Variants in SCRIB observed in about 807,000 individuals in gnomAD.
The protein encoded by SCRIB is scribble planar cell polarity protein.
SCRIB carries 72 observed loss-of-function variants against 170.0 expected under a neutral mutation model. That is an observed-to-expected ratio of 0.42 (90% CI 0.35 to 0.52). SCRIB has a LOEUF of 0.52. SCRIB is among the 20% of genes least tolerant of loss of function. The pLI is 0.02. For missense variants in SCRIB, 2,475 were observed against 2,338.5 expected (o/e 1.06, Z -1.20); for synonymous variants, 1,298 against 1,044.3 (o/e 1.24, Z -4.68).
rs775237815 is a variant in SCRIB at position 143,811,054 on chromosome 8, G to C, written c.1125C>G (p.Phe375Leu). 1 of 1,611,968 alleles carries C rather than the reference G, an allele frequency of 6.2e-7. No individual in the cohort carries two copies. Among genetic ancestry groups the C allele is most frequent in the Admixed American group, 1.7e-5 (1 of 59,854 alleles). ...VAGNRLQSLP[F>L]ALTHLNLKAL... ...CCTTGAGATTGAGGTGGGTGAGCGCGAACGGCAGACTCTGCAGGCTGCGGG... is the reference window on the plus strand; with the variant it reads ...CCTTGAGATTGAGGTGGGTGAGCGCCAACGGCAGACTCTGCAGGCTGCGGG... The change falls in exon 11 of 37, where the codon TTC becomes TTG. Residue 375 changes from phenylalanine to leucine, a missense_variant. By Grantham distance (22) the Phe-to-Leu change is conservative. Transcript: ENST00000356994.
chr8:143,803,263 G>T, intron 24 of SCRIB, 120 bp downstream of exon 24: 1 of 967,928 alleles, frequency 1.0e-6, no homozygotes, highest in South Asian at 1.8e-5. Context: ...CAGAGCCGCA[G>T]AGCACCGCCC....
intron 15 of SCRIB, among the ~76,000 whole-genome samples, 184 bp downstream of exon 15, chr8:143,808,425 C>T (rs1428761794): frequency 6.6e-6 from 1 of 152,078 alleles, no homozygotes; most frequent in Non-Finnish European, 1.5e-5. Flanking sequence ...GAGACCAATG[C>T]CAGGGCAGGC....
Position 143,808,750 on chromosome 8 carries a change from C to G in SCRIB, c.1974G>C (p.Gln658His). 1 of 1,606,124 alleles carries G rather than the reference C, an allele frequency of 6.2e-7. No individual in the cohort carries two copies. The highest frequency in any genetic ancestry group is 8.5e-7 in the Non-Finnish European group (1 of 1,175,964). Residue 658 changes from glutamine (Q) to histidine (H), a missense_variant, in exon 15 of 37, where the codon CAG becomes CAC. Gln to His is a conservative substitution (Grantham distance 24). Transcript: ENST00000356994. ...CCTCTTCCTCCTCCTCCTCCTCCTT[C>G]TGGGCCCGAGGAGCCCAGGGTGCGT... Reference protein sequence around the residue: ...GPHAPWAPRAQKEEEEEEEGS... With the variant: ...GPHAPWAPRAHKEEEEEEEGS...
chr8:143,804,241 CTT>C, intron 21 of SCRIB, 85 bp from the exon 22 acceptor site: 1 of 1,046,504 alleles, frequency 9.6e-7, no homozygotes, highest in Non-Finnish European at 1.4e-6. Context: ...CGTCCCGGTC[CTT>C]GGGGATGGCG....
chr8:143,795,377 G>T, intron 25 of SCRIB, 43 bp downstream of exon 25: 1 of 1,612,490 alleles, frequency 6.2e-7, no homozygotes, highest in Non-Finnish European at 8.5e-7. Context: ...CACCGGCCTC[G>T]GGCTCCCTGG....
rs767010930 is a variant in SCRIB at position 143,813,120 on chromosome 8, G to C, written c.568-16C>G. The C allele has an allele frequency of 4.4e-6, 7 of 1,573,252 alleles. No individual in the cohort carries two copies. Among genetic ancestry groups the C allele is most frequent in the Non-Finnish European group, 6.0e-6 (7 of 1,157,686 alleles). On this transcript the variant is annotated splice_polypyrimidine_tract_variant and intron_variant, in intron 6 of 36. Coordinates refer to ENST00000356994, the MANE Select transcript of SCRIB (RefSeq NM_182706.5). ...GAGTGTCTGGCTGCAAGAAGGAACA[G>C]AGAAAATAGTGACTATGAGGCAAAG...
rs1487543855 is a variant in SCRIB, at chr8:143,811,018, C to T, written c.1161G>A (p.Leu387=). ...LTHLNLKALW[L]AENQAQPMLR... ...GCATGGGCTGCGCCTGGTTCTCTGC[C>T]AGCCACAGGGCCTTGAGATTGAGGT... Residue 387 remains leucine (L), a synonymous_variant, in exon 11 of 37, where the codon CTG becomes CTA. Transcript: ENST00000356994. The T allele has an allele frequency of 1.2e-6, 2 of 1,612,282 alleles. No homozygotes were observed. Among genetic ancestry groups the T allele is most frequent in the Non-Finnish European group, 1.7e-6 (2 of 1,179,582 alleles).
In SCRIB at chr8:143,811,029, C is replaced by T; in HGVS notation, c.1150G>A (p.Ala384Thr). The change falls in exon 11 of 37, where the codon GCC becomes ACC. Residue 384 changes from alanine to threonine, a missense_variant. Ala to Thr is a moderately conservative substitution (Grantham distance 58). Around this residue, in one of 3 missense-constraint regions of SCRIB, gnomAD observed 487 missense variants for 558.1 expected, o/e 0.87. Transcript: ENST00000356994. ...PFALTHLNLKALWLAENQAQP... is the reference protein window; with the variant it reads ...PFALTHLNLKTLWLAENQAQP... Reference sequence around the variant, plus strand: ...GCCTGGTTCTCTGCCAGCCACAGGGCCTTGAGATTGAGGTGGGTGAGCGCG... The same window carrying T: ...GCCTGGTTCTCTGCCAGCCACAGGGTCTTGAGATTGAGGTGGGTGAGCGCG... 6.2e-7 allele frequency: 1 copy of T among 1,612,448 alleles called. No individual in the cohort carries two copies. Among genetic ancestry groups the T allele is most frequent in the Non-Finnish European group, 8.5e-7 (1 of 1,179,638 alleles).
chr8:143,796,568 T>C (rs1814955132), intron 24 of SCRIB, among the ~76,000 whole-genome samples: 1 of 152,140 alleles, frequency 6.6e-6, no homozygotes, highest in South Asian at 2.1e-4. Context: ...CCACAGAAGA[T>C]GCTGTTTACA....
chr8:143,792,930 C>T, intron 29 of SCRIB, 46 bp downstream of exon 29: 2 of 1,496,246 alleles, frequency 1.3e-6, no homozygotes, highest in Non-Finnish European at 1.8e-6. Flanking sequence ...CCCCCGGGCA[C>T]CCACCCCAAC....
Position 143,795,448 on chromosome 8 carries a change from C to T in SCRIB, c.3686G>A (p.Arg1229Gln), listed in dbSNP as rs144539031. 44 of 1,613,096 alleles carry T rather than the reference C, an allele frequency of 2.7e-5. No individual in the cohort carries two copies. The highest frequency in any genetic ancestry group is 1.6e-4 in the African/African-American group (12 of 74,896). Residue 1229 changes from arginine (R) to glutamine (Q), a missense_variant, in exon 25 of 37, where the codon CGG becomes CAG. By Grantham distance (43) the Arg-to-Gln change is conservative. This residue lies in a region of SCRIB where 1,966 missense variants were observed against 1,742.9 expected (regional missense o/e 1.13). Transcript: ENST00000356994. The stretch of plus-strand genomic sequence containing the variant: ...GCCTGGGCCCTCAGGGCTCAGCTCC[C>T]GGTCGATGGAAGAGATGCTCTCCAG... ...NSLESISSID[R>Q]ELSPEGPGKE...
Position 143,805,097 on chromosome 8 carries a change from G to C in SCRIB, c.2670+15C>G, listed in dbSNP as rs782430832. ...CTCTAGAGCAGCCCTCCCCGGCCCT[G>C]GGCCCCAGCCTCACCGCATCACCAG... On this transcript the variant is annotated intron_variant, in intron 19 of 36. Transcript: ENST00000356994. 1.9e-6 allele frequency: 3 copies of C among 1,598,644 alleles called. No homozygotes were observed. Among genetic ancestry groups the C allele is most frequent in the South Asian group, 1.1e-5 (1 of 88,644 alleles).
At position 143,792,285 on chromosome 8, in the gene SCRIB, A is replaced by T; in HGVS notation, c.4449T>A (p.Arg1483=). The T allele has an allele frequency of 1.3e-6, 2 of 1,565,656 alleles. No homozygotes were observed. Among genetic ancestry groups the T allele is most frequent in the Non-Finnish European group, 8.6e-7 (1 of 1,163,148 alleles). ...VQSPEPPAPE[R]ALSPAELRAL... The stretch of plus-strand genomic sequence containing the variant: ...CCCGGAGCTCGGCAGGGGACAGGGC[A>T]CGCTCGGGTGCCGGTGGCTCCGGAC... Residue 1483 remains arginine, a synonymous_variant, in exon 32 of 37, where the codon CGT becomes CGA. Coordinates refer to ENST00000356994, the MANE Select transcript of SCRIB (RefSeq NM_182706.5).
At chr8:143,806,877 TG>T (rs782803986) in intron 17 of SCRIB, 46 bp downstream of exon 17, 5 of 1,317,708 alleles carry the variant, frequency 3.8e-6, no homozygotes, top group Non-Finnish European at 5.4e-6. Flanking sequence ...TGAACTGTGG[TG>T]GGGCAGGCCA....
At position 143,812,887 on chromosome 8, in the gene SCRIB, G is replaced by A. The variant is rs201346981; in HGVS notation, c.717C>T (p.Leu239=). Residue 239 remains leucine (L), a synonymous_variant, in exon 8 of 37, where the codon CTC becomes CTT. Coordinates refer to ENST00000356994, the MANE Select transcript of SCRIB (RefSeq NM_182706.5). Reference sequence around the variant, plus strand: ...GGTCAGTGAGCAGCACCAGCCCGCCGAGCTCAGCAGGCAGCTCCTCCAGCC... The same window carrying A: ...GGTCAGTGAGCAGCACCAGCCCGCCAAGCTCAGCAGGCAGCTCCTCCAGCC... ...ENRLEELPAE[L]GGLVLLTDLL... is the part of the protein sequence containing the mutation. 210 of 1,610,432 alleles carry A rather than the reference G, an allele frequency of 1.3e-4. 2 individuals carry two copies. In the Middle Eastern group the frequency reaches 3.3e-3, roughly 25 times the overall value.
At position 143,795,831 on chromosome 8, in the gene SCRIB, A is replaced by G. The variant is rs1254403087; in HGVS notation, c.3604-301T>C. ...ATGCCTGCCACTCTGCTGACTGTGTAAAGTCATCCCCAGGAAGAGCTGACA... is the reference window on the plus strand; with the variant it reads ...ATGCCTGCCACTCTGCTGACTGTGTGAAGTCATCCCCAGGAAGAGCTGACA... On this transcript the variant is annotated intron_variant, in intron 24 of 36. Coordinates refer to ENST00000356994, the MANE Select transcript of SCRIB (RefSeq NM_182706.5). 2.6e-5 allele frequency among the ~76,000 whole-genome samples: 4 copies of G among 152,348 alleles called. No homozygotes were observed. In the East Asian group the frequency reaches 7.7e-4, roughly 29 times the overall value.
intron 14 of SCRIB, 63 bp from the exon 15 acceptor site, chr8:143,809,088 T>G (rs1048896598): frequency 6.5e-7 from 1 of 1,539,508 alleles, no homozygotes; most frequent in Non-Finnish European, 8.7e-7. Flanking sequence ...AGGAAGACCC[T>G]ACTAAACAGT....
chr8:143,812,176 A>AC (rs923836034), intron 9 of SCRIB, 90 bp downstream of exon 9: 8 of 872,060 alleles, frequency 9.2e-6, no homozygotes, highest in African/African-American at 3.3e-5. Context: ...TGCCACCAGC[A>AC]CCCCCCAGCA....
At chr8:143,807,313 G>A (rs1329493011) in intron 16 of SCRIB, among the ~76,000 whole-genome samples, 5 of 152,214 alleles carry the variant, frequency 3.3e-5, no homozygotes, top group Middle Eastern at 3.2e-3. Context: ...TCCGCAGGCA[G>A]GTAAGGCTCA....
Sources: allele counts gnomAD v4.1 joint callset (sites outside exome capture counted in the v4.1 genomes callset), GRCh38; gene constraint gnomAD v4.1.1; regional missense constraint gnomAD v4.1.1; transcripts MANE v1.5; gene names NCBI Gene and HGNC (gene_info 2026-07-23, HGNC 2026-07-21).